The following NTM variants were observed in gnomAD, a reference collection of about 807,000 sequenced individuals.
NTM encodes neurotrimin, also known as IgLON family member 2.
In NTM, 13 loss-of-function variants were observed where a neutral mutation model predicts 42.1. The ratio of observed to expected loss-of-function variants is 0.31; its 90% CI spans 0.20 to 0.49. The LOEUF (loss-of-function observed/expected upper bound fraction) is 0.49. Among genes scored for constraint, NTM ranks in the 20% least tolerant of loss-of-function variants. The pLI is 0.99. For missense variants in NTM, 373 were observed against 452.8 expected (o/e 0.82, Z 1.60); for synonymous variants, 187 against 179.2 (o/e 1.04, Z -0.35).
At chr11:132,090,377 C>A (rs767567737) in intron 2 of NTM, among the ~76,000 whole-genome samples, 3 of 152,120 alleles carry the variant, frequency 2.0e-5, no homozygotes, top group African/African-American at 4.8e-5. Context: ...GTTTTATAAT[C>A]TCCCTTTCTG....
intron 3 of NTM, among the ~76,000 whole-genome samples, chr11:132,149,662 G>A (rs2071413588): frequency 6.6e-6 from 1 of 152,062 alleles, no homozygotes; most frequent in Admixed American, 6.6e-5. Context: ...GATCCAATAT[G>A]GTTATTTCTT....
chr11:132,314,342 G>A (rs1375214281), intron 6 of NTM, among the ~76,000 whole-genome samples: 1 of 152,154 alleles, frequency 6.6e-6, no homozygotes, highest in Non-Finnish European at 1.5e-5. Flanking sequence ...GAGTGCCCCT[G>A]GGCACATGTG....
In NTM at chr11:131,502,272, C is replaced by T. The variant is rs565414849; in HGVS notation, c.82+131384C>T. On this transcript the variant is annotated intron_variant, in intron 1 of 8. Coordinates refer to ENST00000683400, the MANE Select transcript of NTM (RefSeq NM_001352005.2). ...ATGATTGCTGCCCTTATGAAGGAGC[C>T]TCGAGAGAGAGAGAGTCCTTGCTGC... 4.6e-5 allele frequency among the ~76,000 whole-genome samples: 7 copies of T among 152,146 alleles called. No individual in the cohort carries two copies. The East Asian group carries it at 1.2e-3, about 25-fold the overall frequency.
At chr11:131,985,164 A>G (rs2065871968) in intron 2 of NTM, among the ~76,000 whole-genome samples, 1 of 152,148 alleles carries the variant, frequency 6.6e-6, no homozygotes, top group Non-Finnish European at 1.5e-5. Flanking sequence ...TCAATCCCAG[A>G]AACGCTTTGG....
chr11:131,391,716 C>T (rs1591540374), intron 1 of NTM, among the ~76,000 whole-genome samples: 4 of 147,110 alleles, frequency 2.7e-5, no homozygotes, highest in East Asian at 2.0e-4. Context: ...GGTCGGGAGA[C>T]AGAAACAGGC....
intron 1 of NTM, among the ~76,000 whole-genome samples, chr11:131,868,826 C>T (rs1445642748): frequency 1.3e-5 from 2 of 152,190 alleles, no homozygotes; most frequent in Non-Finnish European, 2.9e-5. Context: ...CCAGGCACTT[C>T]CTCTTGACCC....
intron 2 of NTM, among the ~76,000 whole-genome samples, chr11:131,923,346 G>A (rs185282114): frequency 1.2e-4 from 19 of 152,312 alleles, no homozygotes; most frequent in African/African-American, 2.2e-4. Flanking sequence ...TGAATGAAAC[G>A]TTTGTTAGGA....
rs190962496 is a variant in NTM at position 131,599,559 on chromosome 11, A to G, written c.82+228671A>G. On this transcript the variant is annotated intron_variant, in intron 1 of 8. Coordinates refer to ENST00000683400, the MANE Select transcript of NTM (RefSeq NM_001352005.2). ...AGAGAAACATTTTATTGGCCATATT[A>G]TTTATGTATCCATTCATTCATTCTA... Among the ~76,000 whole-genome samples the G allele has an allele frequency of 3.8e-3, 572 of 152,308 alleles. 4 individuals carry two copies. The highest frequency in any genetic ancestry group is 7.7e-3 in the South Asian group (37 of 4,824).
chr11:132,078,586 A>G (rs1416694946), intron 2 of NTM, among the ~76,000 whole-genome samples: 2 of 152,248 alleles, frequency 1.3e-5, no homozygotes, highest in Admixed American at 6.5e-5. Context: ...AGAAAGCAGC[A>G]CTTAAAGTAA....
intron 1 of NTM, among the ~76,000 whole-genome samples, chr11:131,850,995 C>T (rs2045469571): frequency 1.3e-5 from 2 of 152,196 alleles, no homozygotes; most frequent in African/African-American, 2.4e-5. Flanking sequence ...CTACCACTGC[C>T]GTGTTGATGC....
intron 2 of NTM, among the ~76,000 whole-genome samples, chr11:131,938,397 G>T (rs79652152): frequency 6.6e-6 from 1 of 152,184 alleles, no homozygotes; most frequent in Non-Finnish European, 1.5e-5. Flanking sequence ...GGCTGAAACC[G>T]TCTTGGCAAG....
intron 1 of NTM, among the ~76,000 whole-genome samples, chr11:131,886,081 A>G (rs2050342586): frequency 6.6e-6 from 1 of 152,090 alleles, no homozygotes; most frequent in African/African-American, 2.4e-5. Flanking sequence ...CCTGCCAACC[A>G]GTACAGTTTC....
intron 1 of NTM, among the ~76,000 whole-genome samples, chr11:131,883,213 A>G (rs970443682): frequency 6.6e-6 from 1 of 152,254 alleles, no homozygotes; most frequent in Non-Finnish European, 1.5e-5. Context: ...TGCCAATTAT[A>G]GTGCATCTTC....
intron 4 of NTM, among the ~76,000 whole-genome samples, chr11:132,300,260 G>A (rs1474001730): frequency 2.0e-5 from 3 of 152,170 alleles, no homozygotes; most frequent in Non-Finnish European, 4.4e-5. Flanking sequence ...AATTAGGGTT[G>A]CAGTAAAAAT....
Position 131,891,596 on chromosome 11 carries a change from G to C in NTM, c.83-19968G>C, listed in dbSNP as rs552127933. On this transcript the variant is annotated intron_variant, in intron 1 of 8. Transcript: ENST00000683400. ...ATGCATAGCAGGCCTCTGGTTCCCC[G>C]AGGACTCTGCCCACTCCACCAGTGG... is the stretch of plus-strand genomic sequence containing the variant. 9.2e-5 allele frequency among the ~76,000 whole-genome samples: 14 copies of C among 152,232 alleles called. No individual in the cohort carries two copies. The East Asian group carries it at 2.7e-3, about 29-fold the overall frequency.
chr11:131,586,862 A>T (rs919530995), intron 1 of NTM, among the ~76,000 whole-genome samples: 1 of 152,198 alleles, frequency 6.6e-6, no homozygotes, highest in Non-Finnish European at 1.5e-5. Context: ...TGGAAAGAAC[A>T]ATCTATATCA....
intron 1 of NTM, among the ~76,000 whole-genome samples, chr11:131,633,002 C>T (rs2063820956): frequency 6.6e-6 from 1 of 152,130 alleles, no homozygotes; most frequent in Admixed American, 6.5e-5. Context: ...TCTATTTGTT[C>T]AGATGGTCTC....
At chr11:132,135,852 C>T (rs1042151896) in intron 2 of NTM, among the ~76,000 whole-genome samples, 3 of 152,128 alleles carry the variant, frequency 2.0e-5, no homozygotes, top group African/African-American at 7.2e-5. Flanking sequence ...AGGCCCCCAT[C>T]GAGGTGAGGG....
At chr11:131,777,392 A>T (rs1393372065) in intron 1 of NTM, among the ~76,000 whole-genome samples, 10 of 151,784 alleles carry the variant, frequency 6.6e-5, no homozygotes, top group Non-Finnish European at 1.5e-4. Flanking sequence ...AAGTTGTGAG[A>T]TACATAAACC....
Sources: allele counts gnomAD v4.1 joint callset (sites outside exome capture counted in the v4.1 genomes callset), GRCh38; gene constraint gnomAD v4.1.1; transcripts MANE v1.5; gene names NCBI Gene and HGNC (gene_info 2026-07-23, HGNC 2026-07-21).